The following TMC5 variants were observed in gnomAD, a reference collection of about 807,000 sequenced individuals.
TMC5 encodes the protein transmembrane channel like 5.
TMC5 carries 86 observed loss-of-function variants against 110.5 expected under a neutral mutation model. That is an observed-to-expected ratio of 0.78 (90% CI 0.65 to 0.93). The LOEUF is 0.93. TMC5 is among the 40% of genes least tolerant of loss of function. The pLI is 0.00. For synonymous variants in TMC5, 455 were observed against 439.5 expected (o/e 1.04, Z -0.44); for missense variants, 1,144 against 1,222.8 (o/e 0.94, Z 0.96).
rs1353035215 is a variant in TMC5, at chr16:19,490,525, A to T, written c.2704A>T (p.Ile902Phe). ...LWVVWIYRNL[I>F]GSVHFFFILT... ...GGTTGTTTGGATCTATCGGAACCTC[A>T]TTGGAAGTGTGCACTTCTTTTTCAT... is the stretch of plus-strand genomic sequence containing the variant. Residue 902 changes from isoleucine (I) to phenylalanine (F), a missense_variant, in exon 18 of 22, where the codon ATT (isoleucine) becomes TTT (phenylalanine). Coordinates refer to ENST00000542583, the MANE Select transcript of TMC5 (RefSeq NM_001261841.2). 13 of 1,614,000 alleles carry T rather than the reference A, an allele frequency of 8.1e-6. No homozygotes were observed. The highest frequency in any genetic ancestry group is 1.1e-5 in the Non-Finnish European group (13 of 1,179,996).
At chr16:19,495,392 CTTGT>C (rs920297136) in intron 20 of TMC5, among the ~76,000 whole-genome samples, 2 of 152,130 alleles carry the variant, frequency 1.3e-5, no homozygotes, top group Non-Finnish European at 2.9e-5. Context: ...CTTTAATTTA[CTTGT>C]TTATTACAAA....
intron 12 of TMC5, chr16:19,475,012 C>T (rs1324627671): frequency 1.3e-5 from 2 of 152,260 alleles, no homozygotes; most frequent in Non-Finnish European, 2.9e-5. Context: ...CCCACAAAGG[C>T]ATCATACGTG....
At chr16:19,462,031 G>A (rs9924532) in intron 6 of TMC5, among the ~76,000 whole-genome samples, 6,463 of 152,226 alleles carry the variant, frequency 0.042, 186 homozygotes, top group African/African-American at 0.077. Context: ...GGCCTTCGAG[G>A]TGGACCAAAG....
intron 11 of TMC5, among the ~76,000 whole-genome samples, chr16:19,473,407 C>T (rs531920302): frequency 8.4e-5 from 12 of 143,210 alleles, no homozygotes; most frequent in African/African-American, 2.6e-4. Flanking sequence ...AGCAGAGACA[C>T]GCCAACCCCC....
chr16:19,486,370 C>G (rs1274443762), intron 15 of TMC5, among the ~76,000 whole-genome samples: 1 of 152,026 alleles, frequency 6.6e-6, no homozygotes, highest in Admixed American at 6.6e-5. Flanking sequence ...GTGTCTATGT[C>G]CTAATCTCTT....
At chr16:19,423,782 TTC>T (rs1431887878) in intron 1 of TMC5, among the ~76,000 whole-genome samples, 4 of 152,178 alleles carry the variant, frequency 2.6e-5, no homozygotes, top group South Asian at 2.1e-4. Flanking sequence ...GACAGAATCT[TTC>T]TCTGTTACCC....
chr16:19,487,101 C>T, intron 16 of TMC5, 81 bp downstream of exon 16: 1 of 1,607,784 alleles, frequency 6.2e-7, no homozygotes, highest in South Asian at 1.1e-5. Context: ...GGGAAGGGGG[C>T]TCTGCAAAGG....
At chr16:19,486,717 T>C (rs1968751241) in intron 15 of TMC5, among the ~76,000 whole-genome samples, 2 of 152,134 alleles carry the variant, frequency 1.3e-5, no homozygotes, top group African/African-American at 4.8e-5. Context: ...TGTACTGGAT[T>C]AGGGCCTCCT....
intron 18 of TMC5, among the ~76,000 whole-genome samples, chr16:19,491,507 A>G (rs1339613783): frequency 6.8e-6 from 1 of 146,298 alleles, no homozygotes; most frequent in African/African-American, 2.5e-5. Context: ...GGGAAAGGTT[A>G]TATATACTAT....
chr16:19,470,676 A>C (rs74246699), intron 10 of TMC5, among the ~76,000 whole-genome samples: 1 of 146,568 alleles, frequency 6.8e-6, no homozygotes, highest in Non-Finnish European at 1.5e-5. Context: ...CACCATGTCA[A>C]TAGTGCAGAG....
At chr16:19,472,754 G>A (rs7185465) in intron 11 of TMC5, among the ~76,000 whole-genome samples, 54,920 of 152,048 alleles carry the variant, frequency 0.36, 14,366 homozygotes, top group African/African-American at 0.74. Context: ...CTGGCCCCAG[G>A]CCTTGCAGCT....
chr16:19,497,046 G>A, intron 20 of TMC5, 75 bp from the exon 21 acceptor site: 1 of 1,491,244 alleles, frequency 6.7e-7, no homozygotes, highest in Non-Finnish European at 9.4e-7. Flanking sequence ...CTCACAAATT[G>A]TGCCAAATAT....
At chr16:19,434,600 A>G (rs1967301435) in intron 2 of TMC5, among the ~76,000 whole-genome samples, 1 of 151,572 alleles carries the variant, frequency 6.6e-6, no homozygotes, top group Admixed American at 6.6e-5. Flanking sequence ...CTGGAATTAC[A>G]GATGTGAGCC....
chr16:19,430,309 G>A (rs570113762), intron 1 of TMC5, 104 bp from the exon 2 acceptor site: 1 of 152,288 alleles, frequency 6.6e-6, no homozygotes, highest in South Asian at 2.1e-4. Context: ...AAAACAGGAA[G>A]CCATTTGAGG....
chr16:19,491,050 A>G (rs1968892689), intron 18 of TMC5, among the ~76,000 whole-genome samples: 1 of 141,864 alleles, frequency 7.0e-6, no homozygotes, highest in South Asian at 2.2e-4. Flanking sequence ...ATGATCTCTC[A>G]CTCAGGCTAG....
At chr16:19,469,906 T>C in intron 10 of TMC5, 81 bp downstream of exon 10, 3 of 1,496,782 alleles carry the variant, frequency 2.0e-6, no homozygotes, top group Non-Finnish European at 2.7e-6. Flanking sequence ...TTCTTTTTTT[T>C]TTTTTTGAAT....
At chr16:19,437,160 G>T (rs1335799580) in intron 2 of TMC5, among the ~76,000 whole-genome samples, 1 of 152,166 alleles carries the variant, frequency 6.6e-6, no homozygotes, top group Admixed American at 6.5e-5. Flanking sequence ...GGACGGCAGA[G>T]TGAGACCCTG....
chr16:19,422,248 A>G (rs1324848060), intron 1 of TMC5, among the ~76,000 whole-genome samples: 2 of 151,530 alleles, frequency 1.3e-5, no homozygotes, highest in African/African-American at 4.8e-5. Context: ...AAAAAGAGAG[A>G]GAGAGAGAAG....
chr16:19,476,371 G>T (rs182561261), intron 12 of TMC5, among the ~76,000 whole-genome samples: 4 of 151,974 alleles, frequency 2.6e-5, no homozygotes, highest in Non-Finnish European at 5.9e-5. Flanking sequence ...GAAAGAGAGA[G>T]AGAGAAAGAA....
Sources: gnomAD v4.1 joint callset for allele counts (sites outside exome capture counted in the v4.1 genomes callset) on GRCh38, gnomAD v4.1.1 for gene constraint, MANE v1.5 for transcripts, NCBI Gene and HGNC (gene_info 2026-07-23, HGNC 2026-07-21) for gene names.